The following PCDHA1 variants were observed in gnomAD, a reference collection of about 807,000 sequenced individuals.
PCDHA1 encodes the protein protocadherin alpha-1.
In PCDHA1, 42 loss-of-function variants were observed where a neutral mutation model predicts 61.3. The ratio of observed to expected loss-of-function variants is 0.69; its 90% CI spans 0.54 to 0.89. The LOEUF is 0.89. PCDHA1 is among the 40% of genes least tolerant of loss of function. The pLI is 0.00. For synonymous variants in PCDHA1, 610 were observed against 553.8 expected, an observed-to-expected ratio of 1.10 and a Z score of -1.43; for missense variants, 1,256 against 1,235.3, an observed-to-expected ratio of 1.02 and a Z score of -0.25.
rs782319895 is a variant in PCDHA1 at position 140,786,854 on chromosome 5, G to A, written c.564G>A (p.Leu188=). 6.2e-7 allele frequency: 1 copy of A among 1,614,172 alleles called. No homozygotes were observed. Among genetic ancestry groups the A allele is most frequent in the South Asian group, 1.1e-5 (1 of 91,080 alleles). Residue 188 remains leucine (L), a synonymous_variant, in exon 1 of 4, where the codon CTG becomes CTA. Transcript: ENST00000504120. The part of the protein sequence containing the change: ...FSLDVEASDE[L]SKSLWLELRK... ...TGGATGTAGAGGCAAGTGATGAACT[G>A]AGTAAATCTCTTTGGCTTGAATTGA...
At chr5:140,913,667 G>A (rs2076425699) in intron 1 of PCDHA1, among the ~76,000 whole-genome samples, 2 of 152,000 alleles carry the variant, frequency 1.3e-5, no homozygotes, top group South Asian at 2.1e-4. Flanking sequence ...GTATAGTTAG[G>A]TTATTTAAAA....
chr5:140,969,046 C>A, intron 1 of PCDHA1: 5 of 1,614,074 alleles, frequency 3.1e-6, no homozygotes, highest in Non-Finnish European at 4.2e-6. Flanking sequence ...ACAAACAAGC[C>A]AACAACAATA....
At chr5:140,824,614 T>TTTTTTTTTTG (rs1768229556) in intron 1 of PCDHA1, 1 of 124,554 alleles carries the variant, frequency 8.0e-6, no homozygotes, top group Admixed American at 7.7e-5. Context: ...ATTAAAGTTT[T>TTTTTTTTTTG]TTTTTTTTTT....
intron 1 of PCDHA1, among the ~76,000 whole-genome samples, chr5:140,978,243 C>T (rs2096793691): frequency 6.6e-6 from 1 of 152,170 alleles, no homozygotes; most frequent in South Asian, 2.1e-4. Context: ...ATTTCAGCTA[C>T]TCCCTGTTAA....
chr5:140,841,116 T>G, intron 1 of PCDHA1: 1 of 615,478 alleles, frequency 1.6e-6, no homozygotes, highest in Admixed American at 3.3e-5. Context: ...GTAATTCATG[T>G]AATCATTACC....
chr5:140,798,184 T>C (rs891955747), intron 1 of PCDHA1, among the ~76,000 whole-genome samples: 107 of 152,296 alleles, frequency 7.0e-4, no homozygotes, highest in African/African-American at 2.1e-3. Flanking sequence ...TTTATTTGTA[T>C]TTGAAAGCAG....
chr5:140,981,687 ATCAT>A (rs200213847), intron 2 of PCDHA1, among the ~76,000 whole-genome samples: 197 of 152,078 alleles, frequency 1.3e-3, no homozygotes, highest in African/African-American at 4.2e-3. Context: ...CCTCCCTTCC[ATCAT>A]TCATTCATTC....
intron 3 of PCDHA1, among the ~76,000 whole-genome samples, chr5:140,994,578 A>C (rs1563601392): frequency 6.6e-6 from 1 of 151,958 alleles, no homozygotes; most frequent in Non-Finnish European, 1.5e-5. Context: ...GGTGGCATGC[A>C]CTTGTAGTCT....
chr5:140,802,475 T>C lies in PCDHA1; in HGVS notation c.2394+13791T>C, dbSNP rs17844258. 4.5e-4 allele frequency: 727 copies of C among 1,614,202 alleles called. 5 individuals are homozygous for C. In the East Asian group the frequency reaches 0.012, roughly 26 times the overall value. On this transcript the variant is annotated intron_variant, in intron 1 of 3. Transcript: ENST00000504120. Reference sequence around the variant, plus strand: ...TGTCGGCCTATGAGCTGGTGGTGACTGCTCGGGACGGGGGCTCGCCTTCAC... The same window carrying C: ...TGTCGGCCTATGAGCTGGTGGTGACCGCTCGGGACGGGGGCTCGCCTTCAC...
intron 1 of PCDHA1, chr5:140,851,516 T>TA: frequency 2.2e-6 from 2 of 906,324 alleles, no homozygotes; most frequent in Non-Finnish European, 2.7e-6. Context: ...AAATATGTTT[T>TA]AAAATGCCTG....
intron 1 of PCDHA1, among the ~76,000 whole-genome samples, chr5:140,818,349 G>A (rs1214100703): frequency 1.3e-5 from 2 of 152,134 alleles, no homozygotes; most frequent in African/African-American, 4.8e-5. Context: ...CACTGTCAAA[G>A]TCATTGATTG....
chr5:140,886,844 A>G (rs11748231), intron 1 of PCDHA1, among the ~76,000 whole-genome samples: 22,325 of 150,652 alleles, frequency 0.15, 1,711 homozygotes, highest in Middle Eastern at 0.2. Context: ...AAAAAAAAAA[A>G]AAAGAAAGGT....
Position 140,849,938 on chromosome 5 carries a change from C to A in PCDHA1, c.2394+61254C>A. The A allele has an allele frequency of 2.5e-6, 4 of 1,598,014 alleles. 1 individual carries two copies. Among genetic ancestry groups the A allele is most frequent in the Non-Finnish European group, 3.4e-6 (4 of 1,167,752 alleles). On this transcript the variant is annotated intron_variant, in intron 1 of 3. Transcript: ENST00000504120. ...ACATCTTCACGGTGTCTGCGCGGGACGCTGACGCGCAGGAGAACGCCCTGG... is the reference window on the plus strand; with the variant it reads ...ACATCTTCACGGTGTCTGCGCGGGAAGCTGACGCGCAGGAGAACGCCCTGG...
In PCDHA1 at chr5:140,870,260, G is replaced by T. The variant is rs782261095; in HGVS notation, c.2394+81576G>T. The T allele has an allele frequency of 2.0e-5, 32 of 1,614,082 alleles. No individual in the cohort carries two copies. The highest frequency in any genetic ancestry group is 3.3e-4 in the Middle Eastern group (2 of 6,082). On this transcript the variant is annotated intron_variant, in intron 1 of 3. Coordinates refer to ENST00000504120, the MANE Select transcript of PCDHA1 (RefSeq NM_018900.4). ...TCAGGTGTCAACGGACAGGTGACCT[G>T]CTCGCTGACGCCCCACGTTCCCTTC...
At chr5:140,836,094 G>T (rs150822529) in intron 1 of PCDHA1, 1 of 1,613,590 alleles carries the variant, frequency 6.2e-7, no homozygotes, top group Non-Finnish European at 8.5e-7. Flanking sequence ...GCCTCGGGTG[G>T]GTGGCACTGG....
chr5:140,788,167 TGTACACGG>T lies in PCDHA1; in HGVS notation c.1879_1886del (p.Tyr627ArgfsTer12), dbSNP rs781916770. 9.3e-6 allele frequency: 15 copies of T among 1,613,994 alleles called. No individual in the cohort carries two copies. The highest frequency in any genetic ancestry group is 3.3e-4 in the Middle Eastern group (2 of 6,062). ...GCGCGCATCCCGTTCCGCGTGGGGCTGTACACGGGCGAGATCAGCACGACTCGTGTCCT... is the reference window on the plus strand; with the variant it reads ...GCGCGCATCCCGTTCCGCGTGGGGCTGCGAGATCAGCACGACTCGTGTCCT... On this transcript the variant is annotated frameshift_variant, in exon 1 of 4. Transcript: ENST00000504120. LOFTEE classifies it high-confidence loss of function.
chr5:140,851,812 G>A, intron 1 of PCDHA1: 1 of 953,880 alleles, frequency 1.0e-6, no homozygotes, highest in Non-Finnish European at 1.3e-6. Context: ...TAATCCATAA[G>A]ACAGAAATCT....
chr5:140,886,327 A>G (rs2060943233), intron 1 of PCDHA1, among the ~76,000 whole-genome samples: 1 of 152,162 alleles, frequency 6.6e-6, no homozygotes, highest in Admixed American at 6.5e-5. Flanking sequence ...GTTCTGGGAT[A>G]CATGTGCAGA....
intron 1 of PCDHA1, among the ~76,000 whole-genome samples, chr5:140,950,272 C>G (rs928839890): frequency 2.0e-5 from 3 of 151,950 alleles, no homozygotes; most frequent in Non-Finnish European, 4.4e-5. Flanking sequence ...TCCATAATGT[C>G]TTTTTGCTTC....
Sources: gnomAD v4.1 joint callset for allele counts (sites outside exome capture counted in the v4.1 genomes callset) on GRCh38, gnomAD v4.1.1 for gene constraint, MANE v1.5 for transcripts, NCBI Gene and HGNC (gene_info 2026-07-23, HGNC 2026-07-21) for gene names.